The following NBR1 variants were observed in gnomAD, a reference collection of about 807,000 sequenced individuals.
NBR1 encodes NBR1 autophagy cargo receptor, also known as next to BRCA1 gene 1 protein.
In NBR1, 59 loss-of-function variants were observed where a neutral mutation model predicts 115.5. The ratio of observed to expected loss-of-function variants is 0.51; its 90% confidence interval spans 0.41 to 0.63. NBR1 has a LOEUF of 0.63. Ranked by LOEUF, NBR1 falls within the 30% of genes least tolerant of loss-of-function variation. The pLI is 0.00. For synonymous variants in NBR1, 373 were observed against 414.7 expected (o/e 0.90, Z 1.22); for missense variants, 1,043 against 1,150.5 (o/e 0.91, Z 1.35).
At chr17:43,173,630 T>G (rs749516071) in intron 1 of NBR1, among the ~76,000 whole-genome samples, 53 of 152,096 alleles carry the variant, frequency 3.5e-4, no homozygotes, top group Non-Finnish European at 1.5e-4. Flanking sequence ...TGAAAGAACT[T>G]GCGTACACAT....
intron 20 of NBR1, among the ~76,000 whole-genome samples, chr17:43,209,211 G>T (rs921428700): frequency 7.2e-5 from 11 of 151,984 alleles, no homozygotes; most frequent in Middle Eastern, 3.4e-3. Flanking sequence ...CGAGTAGCTG[G>T]GACTACAGGC....
intron 19 of NBR1, among the ~76,000 whole-genome samples, 179 bp from the exon 20 acceptor site, chr17:43,203,502 C>T (rs2057247939): frequency 6.6e-6 from 1 of 152,146 alleles, no homozygotes; most frequent in South Asian, 2.1e-4. Context: ...TAGAGCTGGG[C>T]CCTCCATCAA....
At chr17:43,175,638 A>AAC (rs899443721) in intron 1 of NBR1, among the ~76,000 whole-genome samples, 153 bp from the exon 2 acceptor site, 5 of 134,162 alleles carry the variant, frequency 3.7e-5, no homozygotes, top group African/African-American at 1.4e-4. Context: ...GTTTCGTAAG[A>AAC]ACAGGGACAG....
chr17:43,191,477 T>G lies in NBR1; in HGVS notation c.969T>G (p.Leu323=). The change falls in exon 10 of 21, where the codon CTT becomes CTG. Residue 323 remains leucine, a synonymous_variant. Coordinates refer to ENST00000590996, the MANE Select transcript of NBR1 (RefSeq NM_005899.5). ...KAEVKELKKQ[L]KLHRKIHLWN... ...AGGTCAAGGAACTTAAAAAGCAGCT[T>G]AAACTCCATAGGAAAATTCACCTGT... 1 of 1,613,192 alleles carries G rather than the reference T, an allele frequency of 6.2e-7. No individual in the cohort carries two copies. The highest frequency in any genetic ancestry group is 8.5e-7 in the Non-Finnish European group (1 of 1,179,528).
In NBR1 at chr17:43,189,652, T is replaced by G; in HGVS notation, c.545T>G (p.Val182Gly). The G allele has an allele frequency of 6.2e-7, 1 of 1,614,034 alleles. No homozygotes were observed. The highest frequency in any genetic ancestry group is 1.7e-5 in the Admixed American group (1 of 60,020). ...GAACAGAAATTACATGAAAAGCTTG[T>G]CCTCCAGAACCCATCCTTGGGTTCT... ...KLEQKLHEKL[V>G]LQNPSLGSCP... Residue 182 changes from valine (V) to glycine (G), a missense_variant, in exon 8 of 21, where the codon GTC becomes GGC. By Grantham distance (109) the Val-to-Gly change is moderately radical. Transcript: ENST00000590996.
chr17:43,178,638 A>G (rs539809160), intron 3 of NBR1, among the ~76,000 whole-genome samples: 1 of 152,208 alleles, frequency 6.6e-6, no homozygotes, highest in African/African-American at 2.4e-5. Context: ...CGGACTCCCA[A>G]AGTGCTGGGA....
chr17:43,191,254 TAA>T, intron 9 of NBR1, 116 bp from the exon 10 acceptor site: 1 of 750,130 alleles, frequency 1.3e-6, no homozygotes, highest in Non-Finnish European at 2.2e-6. Flanking sequence ...ACCCTAATTC[TAA>T]AACAAAAAAA....
chr17:43,206,034 T>C (rs940364553), intron 20 of NBR1, among the ~76,000 whole-genome samples: 3 of 150,878 alleles, frequency 2.0e-5, no homozygotes, highest in Non-Finnish European at 3.0e-5. Context: ...AAAAATTAGC[T>C]AGGCGTGGTG....
At position 43,209,899 on chromosome 17, in the gene NBR1, A is replaced by C. The variant is rs760603001; in HGVS notation, c.2728-2A>C. Reference sequence around the variant, plus strand: ...TTTTTTGCTTTGCTTGTCTCTACACAGCCAATAATTTCTGAAGATCAGACA... The same window carrying C: ...TTTTTTGCTTTGCTTGTCTCTACACCGCCAATAATTTCTGAAGATCAGACA... On this transcript the variant is annotated splice_acceptor_variant, in intron 20 of 20. Transcript: ENST00000590996. LOFTEE classifies it high-confidence loss of function. The C allele has an allele frequency of 4.6e-6, 7 of 1,524,066 alleles. 1 individual carries two copies. The Middle Eastern group carries it at 8.7e-4, about 188-fold the overall frequency. 94.4% of individuals were successfully genotyped at this position (1,524,066 alleles called of 1,614,324 possible).
chr17:43,172,037 A>T (rs2056386135), intron 1 of NBR1, among the ~76,000 whole-genome samples: 1 of 152,166 alleles, frequency 6.6e-6, no homozygotes, highest in Non-Finnish European at 1.5e-5. Flanking sequence ...CTGTTTCATT[A>T]AAGGGATTTT....
chr17:43,210,004 A>G lies in NBR1; in HGVS notation c.2831A>G (p.Tyr944Cys). 4 of 1,613,686 alleles carry G rather than the reference A, an allele frequency of 2.5e-6. No individual in the cohort carries two copies. The highest frequency in any genetic ancestry group is 3.4e-6 in the Non-Finnish European group (4 of 1,179,744). Residue 944 changes from tyrosine to cysteine, a missense_variant, in exon 21 of 21, where the codon TAC (tyrosine) becomes TGC (cysteine). Coordinates refer to ENST00000590996, the MANE Select transcript of NBR1 (RefSeq NM_005899.5). ...CTACGGCTGCTGAAGAAACACAATT[A>G]CAATATCCTGCAGGTTGTGACAGAA... is the stretch of plus-strand genomic sequence containing the variant. ...LNLRLLKKHNYNILQVVTELL... is the reference protein window; with the variant it reads ...LNLRLLKKHNCNILQVVTELL...
At chr17:43,186,524 T>C in intron 6 of NBR1, 80 bp downstream of exon 6, 1 of 1,187,478 alleles carries the variant, frequency 8.4e-7, no homozygotes, top group Non-Finnish European at 1.1e-6. Flanking sequence ...TTCTTTATTT[T>C]ATTTTTTTAT....
chr17:43,194,921 C>A, intron 13 of NBR1, 43 bp from the exon 14 acceptor site: 1 of 1,505,198 alleles, frequency 6.6e-7, no homozygotes, highest in Non-Finnish European at 9.2e-7. Flanking sequence ...AGACATGGCT[C>A]CAGCATGCAC....
chr17:43,204,444 A>G (rs947788916), intron 20 of NBR1, among the ~76,000 whole-genome samples: 26 of 151,622 alleles, frequency 1.7e-4, no homozygotes, highest in Admixed American at 1.6e-3. Flanking sequence ...CCAAGGTGGG[A>G]GGATTGCTTG....
intron 5 of NBR1, among the ~76,000 whole-genome samples, chr17:43,184,369 A>ATTTTTTTTTTTTTT (rs1597977030): frequency 2.3e-4 from 5 of 21,810 alleles, no homozygotes; most frequent in Non-Finnish European, 1.4e-3. Flanking sequence ...CCAAAATACT[A>ATTTTTTTTTTTTTT]TTCTTTTTTT....
chr17:43,179,350 G>A (rs2056606582), intron 3 of NBR1, 44 bp from the exon 4 acceptor site: 2 of 1,593,916 alleles, frequency 1.3e-6, no homozygotes, highest in South Asian at 2.2e-5. Context: ...ATGCTCAACT[G>A]ATGAGACACT....
chr17:43,173,499 G>A (rs1401818069), intron 1 of NBR1, among the ~76,000 whole-genome samples: 1 of 152,100 alleles, frequency 6.6e-6, no homozygotes, highest in Non-Finnish European at 1.5e-5. Flanking sequence ...TGTTGGCTAG[G>A]CTGGTCTCAA....
intron 1 of NBR1, among the ~76,000 whole-genome samples, chr17:43,172,860 C>T (rs2056410168): frequency 6.6e-6 from 1 of 152,168 alleles, no homozygotes; most frequent in Non-Finnish European, 1.5e-5. Context: ...GAGTCTTGCT[C>T]TGTCGCCCAG....
At chr17:43,179,473 A>G in intron 4 of NBR1, 61 bp downstream of exon 4, 2 of 1,432,174 alleles carry the variant, frequency 1.4e-6, no homozygotes, top group Middle Eastern at 1.8e-4. Context: ...TCATTGAGGC[A>G]TTTCTATTTA....
Sources: gnomAD v4.1 joint callset for allele counts (sites outside exome capture counted in the v4.1 genomes callset) on GRCh38, gnomAD v4.1.1 for gene constraint, MANE v1.5 for transcripts, NCBI Gene and HGNC (gene_info 2026-07-23, HGNC 2026-07-21) for gene names.